The following FER variants were observed in gnomAD, a reference collection of about 807,000 sequenced individuals.
FER encodes the protein FER tyrosine kinase, also known as tyrosine-protein kinase Fer.
FER carries 63 observed loss-of-function variants against 111.0 expected under a neutral mutation model. The ratio of observed to expected loss-of-function variants is 0.57; its 90% CI spans 0.46 to 0.70. The LOEUF is 0.70. Among genes scored for constraint, FER ranks in the 30% least tolerant of loss-of-function variants. The pLI, the probability that FER is intolerant of heterozygous loss-of-function variation, is 0.00. For missense variants in FER, 914 were observed against 954.0 expected (o/e 0.96, Z 0.55); for synonymous variants, 327 against 313.9 (o/e 1.04, Z -0.44).
chr5:108,902,132 C>T (rs956886708), intron 10 of FER, among the ~76,000 whole-genome samples: 2 of 151,912 alleles, frequency 1.3e-5, no homozygotes, highest in African/African-American at 4.8e-5. Flanking sequence ...TTATAGACTA[C>T]CGGAGGGGGA....
At chr5:108,865,233 A>G (rs1436406625) in intron 5 of FER, among the ~76,000 whole-genome samples, 4 of 152,178 alleles carry the variant, frequency 2.6e-5, no homozygotes, top group Non-Finnish European at 4.4e-5. Flanking sequence ...GAAGTTGCCT[A>G]TCAGCTTAAG....
At chr5:109,104,850 C>T (rs1208513655) in intron 17 of FER, among the ~76,000 whole-genome samples, 6 of 151,994 alleles carry the variant, frequency 3.9e-5, no homozygotes, top group Non-Finnish European at 7.4e-5. Flanking sequence ...TCACGCCATT[C>T]TCCTACCTCA....
chr5:109,035,934 GTTC>G (rs1488522671), intron 13 of FER, among the ~76,000 whole-genome samples: 1 of 152,068 alleles, frequency 6.6e-6, no homozygotes, highest in Non-Finnish European at 1.5e-5. Flanking sequence ...TGTCTCTGAT[GTTC>G]TTACTGGCTA....
intron 17 of FER, among the ~76,000 whole-genome samples, chr5:109,125,354 A>T (rs573567530): frequency 6.6e-6 from 1 of 152,132 alleles, no homozygotes; most frequent in African/African-American, 2.4e-5. Context: ...GTGAAAATTA[A>T]TTGTGATTTA....
At chr5:108,892,711 CT>C (rs1748324749) in intron 9 of FER, among the ~76,000 whole-genome samples, 1 of 152,150 alleles carries the variant, frequency 6.6e-6, no homozygotes, top group Non-Finnish European at 1.5e-5. Flanking sequence ...GTTGCCATTT[CT>C]TTTGGTGTTC....
intron 2 of FER, among the ~76,000 whole-genome samples, chr5:108,769,498 A>G (rs1229290833): frequency 1.3e-5 from 2 of 152,192 alleles, no homozygotes; most frequent in Non-Finnish European, 2.9e-5. Context: ...TGCATTTTAT[A>G]TCATTTTAAC....
At chr5:108,938,606 A>C (rs915326711) in intron 10 of FER, among the ~76,000 whole-genome samples, 12 of 152,002 alleles carry the variant, frequency 7.9e-5, no homozygotes, top group Admixed American at 1.3e-4. Flanking sequence ...TATTGGCAAG[A>C]GTATCATTGA....
At chr5:108,780,380 G>T (rs985613629) in intron 2 of FER, among the ~76,000 whole-genome samples, 1 of 111,566 alleles carries the variant, frequency 9.0e-6, no homozygotes, top group African/African-American at 5.4e-5. Context: ...TAGGTTAGTG[G>T]GTTTTTTTTT....
chr5:108,868,082 T>G (rs1238167906), intron 6 of FER, 132 bp downstream of exon 6: 1 of 779,046 alleles, frequency 1.3e-6, no homozygotes, highest in Non-Finnish European at 2.0e-6. Context: ...ACCTTGATTC[T>G]TCTTGATTTT....
At chr5:108,907,954 C>T (rs973968988) in intron 10 of FER, among the ~76,000 whole-genome samples, 2 of 151,842 alleles carry the variant, frequency 1.3e-5, no homozygotes, top group African/African-American at 4.8e-5. Context: ...AAAATGAAAG[C>T]AGAGAGAAAG....
At chr5:108,794,526 A>AAC (rs1755778227) in intron 2 of FER, among the ~76,000 whole-genome samples, 12 of 106,346 alleles carry the variant, frequency 1.1e-4, no homozygotes, top group Non-Finnish European at 1.7e-4. Flanking sequence ...CCCCCTCCGC[A>AAC]CCCCCCCCCC....
At chr5:108,809,594 G>T (rs971885657) in intron 3 of FER, among the ~76,000 whole-genome samples, 1 of 152,010 alleles carries the variant, frequency 6.6e-6, no homozygotes, top group African/African-American at 2.4e-5. Flanking sequence ...ACAGGTTCTT[G>T]CTCTGTTGCC....
At chr5:108,862,344 G>C (rs1299265783) in intron 5 of FER, among the ~76,000 whole-genome samples, 1 of 152,070 alleles carries the variant, frequency 6.6e-6, no homozygotes, top group African/African-American at 2.4e-5. Context: ...AAATCTTACT[G>C]AGTTGAGTGT....
chr5:109,141,407 A>G (rs1468897987), intron 17 of FER, among the ~76,000 whole-genome samples: 2 of 152,214 alleles, frequency 1.3e-5, no homozygotes, highest in Non-Finnish European at 2.9e-5. Context: ...GAAAAGCCAC[A>G]GGTGGTACTG....
intron 13 of FER, among the ~76,000 whole-genome samples, chr5:108,984,680 A>G (rs553108211): frequency 6.6e-6 from 1 of 152,136 alleles, no homozygotes; most frequent in East Asian, 1.9e-4. Context: ...AAAAACACAC[A>G]AATATGACAA....
intron 10 of FER, among the ~76,000 whole-genome samples, chr5:108,925,260 A>G (rs1295194313): frequency 6.6e-6 from 1 of 151,874 alleles, no homozygotes; most frequent in Non-Finnish European, 1.5e-5. Context: ...GTTATTTTCA[A>G]TGTCTGTCAC....
At chr5:108,851,713 A>G (rs900100044) in intron 5 of FER, among the ~76,000 whole-genome samples, 25 of 152,240 alleles carry the variant, frequency 1.6e-4, no homozygotes, top group Non-Finnish European at 7.3e-5. Context: ...ATTCTGAAGT[A>G]TCAGAAAAGA....
At chr5:108,903,092 A>C (rs970181018) in intron 10 of FER, among the ~76,000 whole-genome samples, 1 of 152,184 alleles carries the variant, frequency 6.6e-6, no homozygotes, top group African/African-American at 2.4e-5. Flanking sequence ...AACATATAAT[A>C]ATTTTTGTTG....
chr5:108,983,037 G>T (rs968510871), intron 13 of FER, among the ~76,000 whole-genome samples: 1 of 151,958 alleles, frequency 6.6e-6, no homozygotes, highest in Non-Finnish European at 1.5e-5. Context: ...GGCAAAGATG[G>T]TATATATTTT....
Sources: allele counts gnomAD v4.1 joint callset (sites outside exome capture counted in the v4.1 genomes callset), GRCh38; gene constraint gnomAD v4.1.1; transcripts MANE v1.5; gene names NCBI Gene and HGNC (gene_info 2026-07-23, HGNC 2026-07-21).